The following CNTN4 variants were observed in gnomAD, a reference collection of about 807,000 sequenced individuals.
CNTN4 encodes contactin 4.
A neutral mutation model predicts 122.5 loss-of-function variants in CNTN4; 77 were observed. The observed-to-expected ratio is 0.63, with a 90% CI of 0.52 to 0.76. The LOEUF (loss-of-function observed/expected upper bound fraction) is 0.76. CNTN4 is among the 30% of genes least tolerant of loss of function. The pLI, the probability that CNTN4 is intolerant of heterozygous loss-of-function variation, is 0.00. For synonymous variants in CNTN4, 512 were observed against 447.0 expected, an observed-to-expected ratio of 1.15 and a Z score of -1.83; for missense variants, 1,256 against 1,259.1, an observed-to-expected ratio of 1.00 and a Z score of 0.04.
intron 2 of CNTN4, among the ~76,000 whole-genome samples, chr3:2,157,036 C>T (rs766042628): frequency 1.3e-5 from 2 of 152,122 alleles, no homozygotes; most frequent in East Asian, 3.9e-4. Context: ...ATTTCCGTTT[C>T]GTTGGTTTAC....
At chr3:3,036,685 T>C (rs1041222297) in intron 17 of CNTN4, among the ~76,000 whole-genome samples, 1 of 151,184 alleles carries the variant, frequency 6.6e-6, no homozygotes, top group Non-Finnish European at 1.5e-5. Flanking sequence ...AAGAATTGCA[T>C]GAGTCTGGGA....
At chr3:2,426,495 A>G (rs1430789505) in intron 3 of CNTN4, among the ~76,000 whole-genome samples, 3 of 152,116 alleles carry the variant, frequency 2.0e-5, no homozygotes, top group Non-Finnish European at 4.4e-5. Flanking sequence ...GTATTTTTGC[A>G]TCGATGTTTA....
At chr3:2,531,893 C>T (rs2077610569) in intron 3 of CNTN4, among the ~76,000 whole-genome samples, 1 of 152,168 alleles carries the variant, frequency 6.6e-6, no homozygotes, top group South Asian at 2.1e-4. Flanking sequence ...TAACCTGTGG[C>T]AGTGTTCGCT....
intron 23 of CNTN4, among the ~76,000 whole-genome samples, chr3:3,045,499 G>A (rs944697616): frequency 1.3e-5 from 2 of 152,236 alleles, no homozygotes; most frequent in African/African-American, 4.8e-5. Context: ...AGCCTCCGCT[G>A]CTGAAACCCA....
At chr3:2,299,511 G>A (rs577069867) in intron 2 of CNTN4, among the ~76,000 whole-genome samples, 3 of 152,066 alleles carry the variant, frequency 2.0e-5, no homozygotes, top group South Asian at 2.1e-4. Context: ...ATATCACACT[G>A]TCTGCCTCTC....
chr3:2,652,013 A>AG (rs1286576456), intron 4 of CNTN4, among the ~76,000 whole-genome samples: 1 of 151,942 alleles, frequency 6.6e-6, no homozygotes. Flanking sequence ...GGCCAAAAAA[A>AG]AGGTGTTGTT....
chr3:2,562,637 G>A (rs183635010), intron 3 of CNTN4, among the ~76,000 whole-genome samples: 18 of 152,042 alleles, frequency 1.2e-4, no homozygotes, highest in Middle Eastern at 3.4e-3. Flanking sequence ...CGATGGGCAC[G>A]TAGGTTGATT....
chr3:2,983,025 G>A (rs535385986), intron 13 of CNTN4, among the ~76,000 whole-genome samples: 9 of 151,246 alleles, frequency 6.0e-5, no homozygotes, highest in Admixed American at 1.3e-4. Context: ...CCATCCTGGC[G>A]AACACGGTGA....
chr3:2,517,176 C>T (rs570864931), intron 3 of CNTN4, among the ~76,000 whole-genome samples: 1 of 152,204 alleles, frequency 6.6e-6, no homozygotes, highest in East Asian at 1.9e-4. Context: ...TTTGACTGTA[C>T]TGGCTGACAC....
intron 14 of CNTN4, chr3:2,999,211 A>G (rs1172099665): frequency 6.6e-6 from 1 of 152,202 alleles, no homozygotes; most frequent in Non-Finnish European, 1.5e-5. Context: ...AGCATAGATT[A>G]TTTTGAACAA....
At chr3:2,183,811 T>C (rs980479342) in intron 2 of CNTN4, among the ~76,000 whole-genome samples, 4 of 152,152 alleles carry the variant, frequency 2.6e-5, no homozygotes, top group Non-Finnish European at 5.9e-5. Context: ...GCTACTAAGA[T>C]GCCATAAGTC....
intron 3 of CNTN4, among the ~76,000 whole-genome samples, chr3:2,509,028 A>G (rs1327868971): frequency 6.6e-6 from 1 of 152,248 alleles, no homozygotes; most frequent in African/African-American, 2.4e-5. Context: ...GGCAAAGTGA[A>G]TCTATTACAT....
chr3:2,378,437 T>C lies in CNTN4; in HGVS notation c.-89+39204T>C, dbSNP rs1172315447. Among the ~76,000 whole-genome samples, 4 of 152,136 alleles carry C rather than the reference T, an allele frequency of 2.6e-5. No homozygotes were observed. In the East Asian group the frequency reaches 7.7e-4, roughly 29 times the overall value. ...TCAGTCCCATTGCGTTTTTTGGCCA[T>C]GCACAGGGGACTGGGGAATATAGTC... is the stretch of plus-strand genomic sequence containing the variant. On this transcript the variant is annotated intron_variant, in intron 3 of 24. Coordinates refer to ENST00000418658, the MANE Select transcript of CNTN4 (RefSeq NM_175607.3).
At chr3:2,534,722 T>C in intron 3 of CNTN4, among the ~76,000 whole-genome samples, 1 of 150,504 alleles carries the variant, frequency 6.6e-6, no homozygotes, top group African/African-American at 2.4e-5. Context: ...GCTTACACTG[T>C]CTTCCTTTTT....
Position 2,777,828 on chromosome 3 carries a change from A to T in CNTN4, c.358+32131A>T, listed in dbSNP as rs1331242245. Reference sequence around the variant, plus strand: ...TTTTCTCTGTGAAAGTTTTTAAAAGATATATTTCTCTTTTATTGACTTAAC... The same window carrying T: ...TTTTCTCTGTGAAAGTTTTTAAAAGTTATATTTCTCTTTTATTGACTTAAC... On this transcript the variant is annotated intron_variant, in intron 6 of 24. Coordinates refer to ENST00000418658, the MANE Select transcript of CNTN4 (RefSeq NM_175607.3). Among the ~76,000 whole-genome samples, 9 of 152,226 alleles carry T rather than the reference A, an allele frequency of 5.9e-5. No homozygotes were observed. In the East Asian group the frequency reaches 1.7e-3, roughly 29 times the overall value.
intron 7 of CNTN4, among the ~76,000 whole-genome samples, chr3:2,853,182 G>GA (rs952393738): frequency 2.8e-4 from 38 of 135,274 alleles, no homozygotes; most frequent in Middle Eastern, 7.4e-3. Context: ...ACAGGGGACG[G>GA]AAAAAAAAAA....
chr3:2,407,309 T>C (rs1376107489), intron 3 of CNTN4, among the ~76,000 whole-genome samples: 1 of 152,188 alleles, frequency 6.6e-6, no homozygotes. Flanking sequence ...TCAAATACCT[T>C]CTGAGAAACC....
rs550220916 is a variant in CNTN4, at chr3:2,729,459, G to A, written c.56-6756G>A. On this transcript the variant is annotated intron_variant, in intron 4 of 24. Coordinates refer to ENST00000418658, the MANE Select transcript of CNTN4 (RefSeq NM_175607.3). ...ACTCGGGAGGCTAAGCAGGAGAATC[G>A]CTCAAACCTGGGAGGTGGAGGTTGC... Among the ~76,000 whole-genome samples the A allele has an allele frequency of 1.2e-4, 17 of 144,900 alleles. No individual in the cohort carries two copies. In the Middle Eastern group the frequency reaches 0.011, roughly 95 times the overall value.
chr3:2,631,600 T>C (rs2082431665), intron 4 of CNTN4, among the ~76,000 whole-genome samples: 1 of 151,862 alleles, frequency 6.6e-6, no homozygotes, highest in African/African-American at 2.4e-5. Context: ...GGTACCATAT[T>C]AAGGGCTTCA....
Sources: gnomAD v4.1 joint callset for allele counts (sites outside exome capture counted in the v4.1 genomes callset) on GRCh38, gnomAD v4.1.1 for gene constraint, MANE v1.5 for transcripts, NCBI Gene and HGNC (gene_info 2026-07-23, HGNC 2026-07-21) for gene names.